LCLAT1: variants seen among roughly 807,000 people sequenced by gnomAD.
The protein encoded by LCLAT1 is 1-AGP acyltransferase 8.
LCLAT1 carries 11 observed loss-of-function variants against 30.7 expected under a neutral mutation model. The observed-to-expected ratio is 0.36, with a 90% confidence interval of 0.23 to 0.59. The LOEUF is 0.59. LCLAT1 is among the 20% of genes least tolerant of loss of function. LCLAT1 has a pLI of 0.77. For synonymous variants in LCLAT1, 155 were observed against 151.3 expected (o/e 1.02, Z -0.18); for missense variants, 402 against 458.6 (o/e 0.88, Z 1.13).
At chr2:30,472,032 G>T (rs1682822406) in intron 1 of LCLAT1, among the ~76,000 whole-genome samples, 1 of 152,112 alleles carries the variant, frequency 6.6e-6, no homozygotes. Flanking sequence ...TTTTCATAGT[G>T]CCCTTTTCTT....
chr2:30,469,695 C>T (rs1167304753), intron 1 of LCLAT1, among the ~76,000 whole-genome samples: 4 of 151,066 alleles, frequency 2.6e-5, no homozygotes, highest in African/African-American at 9.8e-5. Context: ...TCTTCTGCCT[C>T]AGTCTGCTGA....
chr2:30,455,269 T>C (rs1287200310), intron 1 of LCLAT1, among the ~76,000 whole-genome samples: 1 of 152,234 alleles, frequency 6.6e-6, no homozygotes, highest in Admixed American at 6.5e-5. Flanking sequence ...TAGTCAAATA[T>C]GTATGCCTTT....
intron 2 of LCLAT1, among the ~76,000 whole-genome samples, chr2:30,530,946 G>C (rs1685951826): frequency 6.6e-6 from 1 of 152,128 alleles, no homozygotes; most frequent in African/African-American, 2.4e-5. Flanking sequence ...GTTTAGATTT[G>C]AGGTTTGGAA....
intron 1 of LCLAT1, among the ~76,000 whole-genome samples, chr2:30,476,063 G>T (rs1464654257): frequency 1.3e-5 from 2 of 152,160 alleles, no homozygotes; most frequent in Non-Finnish European, 2.9e-5. Context: ...CTGTCCTGGG[G>T]CATTGTGAAG....
chr2:30,536,095 A>G (rs1043516640), intron 3 of LCLAT1, among the ~76,000 whole-genome samples: 10 of 152,236 alleles, frequency 6.6e-5, no homozygotes, highest in African/African-American at 2.4e-4. Flanking sequence ...CATGTTTTCA[A>G]ATAACCCAGC....
chr2:30,636,034 G>A (rs1399267921), intron 5 of LCLAT1, among the ~76,000 whole-genome samples: 2 of 152,156 alleles, frequency 1.3e-5, no homozygotes, highest in Non-Finnish European at 2.9e-5. Flanking sequence ...GGTTATCAGT[G>A]TACGTGCTTT....
At chr2:30,558,582 A>G (rs1466096085) in intron 3 of LCLAT1, among the ~76,000 whole-genome samples, 2 of 136,970 alleles carry the variant, frequency 1.5e-5, no homozygotes, top group African/African-American at 5.6e-5. Context: ...TGGGTGACAG[A>G]GCAAGACTTT....
chr2:30,476,643 G>A (rs371331778), intron 1 of LCLAT1: 1 of 401,822 alleles, frequency 2.5e-6, no homozygotes. Flanking sequence ...ATGGTGAGTT[G>A]TATAATTATT....
At chr2:30,616,472 A>G (rs1270618491) in intron 5 of LCLAT1, among the ~76,000 whole-genome samples, 1 of 152,204 alleles carries the variant, frequency 6.6e-6, no homozygotes, top group Non-Finnish European at 1.5e-5. Context: ...TTAGAGCTAT[A>G]TGCTTCTAAA....
chr2:30,593,898 G>A (rs1343289167), intron 5 of LCLAT1, among the ~76,000 whole-genome samples: 1 of 134,880 alleles, frequency 7.4e-6, no homozygotes, highest in Non-Finnish European at 1.5e-5. Context: ...ATTCCACCTC[G>A]AGCAACAGAG....
chr2:30,568,664 C>T (rs1430395724), intron 5 of LCLAT1, among the ~76,000 whole-genome samples: 2 of 150,772 alleles, frequency 1.3e-5, no homozygotes, highest in East Asian at 1.9e-4. Flanking sequence ...CCCACCACCA[C>T]GCCCAGCTAA....
intron 5 of LCLAT1, among the ~76,000 whole-genome samples, chr2:30,598,079 C>T (rs1667008544): frequency 1.3e-5 from 2 of 152,158 alleles, no homozygotes; most frequent in African/African-American, 4.8e-5. Context: ...CGATATTCAT[C>T]AGGGATATTG....
intron 1 of LCLAT1, 122 bp downstream of exon 1, chr2:30,447,505 C>T (rs1014728392): frequency 6.6e-6 from 1 of 152,254 alleles, no homozygotes; most frequent in South Asian, 2.1e-4. Flanking sequence ...CATGGACCTT[C>T]CCCGGGCCGC....
At chr2:30,502,359 AT>A (rs1222465084) in intron 1 of LCLAT1, among the ~76,000 whole-genome samples, 3 of 152,004 alleles carry the variant, frequency 2.0e-5, no homozygotes, top group African/African-American at 7.2e-5. Context: ...GTAACATATT[AT>A]TTTTTTTGTT....
intron 1 of LCLAT1, among the ~76,000 whole-genome samples, chr2:30,474,096 C>T (rs1326735629): frequency 6.6e-6 from 1 of 152,122 alleles, no homozygotes; most frequent in Admixed American, 6.5e-5. Flanking sequence ...GGGAAGAAGG[C>T]AAATGTTATA....
intron 5 of LCLAT1, among the ~76,000 whole-genome samples, chr2:30,623,330 G>A (rs13028836): frequency 0.15 from 23,073 of 151,980 alleles, 2,166 homozygotes; most frequent in East Asian, 0.23. Flanking sequence ...CTGGGATTAC[G>A]GGCATGAGCC....
At chr2:30,584,049 GGT>G (rs1666320981) in intron 5 of LCLAT1, among the ~76,000 whole-genome samples, 3 of 151,830 alleles carry the variant, frequency 2.0e-5, no homozygotes, top group Non-Finnish European at 4.4e-5. Context: ...AGCAGGCCCT[GGT>G]GTGTGTTGTT....
intron 1 of LCLAT1, among the ~76,000 whole-genome samples, chr2:30,508,664 A>T (rs1288421450): frequency 2.0e-5 from 3 of 152,094 alleles, no homozygotes; most frequent in African/African-American, 7.2e-5. Context: ...GCCCTGTAAT[A>T]TAGTTTTAAG....
At chr2:30,591,952 T>G (rs1370560525) in intron 5 of LCLAT1, among the ~76,000 whole-genome samples, 2 of 152,210 alleles carry the variant, frequency 1.3e-5, no homozygotes, top group Non-Finnish European at 2.9e-5. Context: ...TACACTGTTG[T>G]CCTCATCACA....
Sources: allele counts gnomAD v4.1 joint callset (sites outside exome capture counted in the v4.1 genomes callset), GRCh38; gene constraint gnomAD v4.1.1; transcripts MANE v1.5; gene names NCBI Gene and HGNC (gene_info 2026-07-23, HGNC 2026-07-21).